The following EPB41L4A variants were observed in gnomAD, a reference collection of about 807,000 sequenced individuals.
EPB41L4A encodes the protein band 4.1-like protein 4A.
In EPB41L4A, 100 loss-of-function variants were observed where a neutral mutation model predicts 108.6. That is an observed-to-expected ratio of 0.92 (90% CI 0.78 to 1.09). The LOEUF is 1.09. Among genes scored for constraint, EPB41L4A ranks in the 50% least tolerant of loss-of-function variants. EPB41L4A has a pLI of 0.00. For synonymous variants in EPB41L4A, 319 were observed against 289.0 expected (o/e 1.10, Z -1.05); for missense variants, 1,030 against 842.7 (o/e 1.22, Z -2.75).
At chr5:112,268,990 C>G (rs1752068894) in intron 4 of EPB41L4A, among the ~76,000 whole-genome samples, 1 of 149,926 alleles carries the variant, frequency 6.7e-6, no homozygotes, top group Non-Finnish European at 1.5e-5. Flanking sequence ...TATTAGAAAA[C>G]AAAGAGCTGA....
downstream of EPB41L4A, chr5:112,161,615 G>A (rs1339580582): frequency 7.7e-6 from 4 of 519,160 alleles, no homozygotes; most frequent in Admixed American, 7.8e-5. Context: ...ATAAGTAACA[G>A]TTGCTGCTTT....
chr5:112,205,240 T>C (rs1376463551), intron 14 of EPB41L4A, among the ~76,000 whole-genome samples, 181 bp downstream of exon 14: 2 of 149,768 alleles, frequency 1.3e-5, no homozygotes, highest in East Asian at 2.0e-4. Context: ...AAACATACTG[T>C]TGATTTCCAC....
intron 1 of EPB41L4A, among the ~76,000 whole-genome samples, chr5:112,395,261 A>G (rs1285754950): frequency 1.3e-5 from 2 of 152,212 alleles, no homozygotes; most frequent in Non-Finnish European, 2.9e-5. Flanking sequence ...TAATGAAACT[A>G]AAGAGCTTCT....
intron 9 of EPB41L4A, among the ~76,000 whole-genome samples, chr5:112,255,471 G>A (rs1296813014): frequency 6.6e-6 from 1 of 152,110 alleles, no homozygotes; most frequent in Non-Finnish European, 1.5e-5. Flanking sequence ...CCAATCTACT[G>A]AAACTCACCT....
Position 112,216,955 on chromosome 5 carries a change from T to A in EPB41L4A, c.1088-6973A>T, listed in dbSNP as rs369742838. 5.3e-5 allele frequency among the ~76,000 whole-genome samples: 8 copies of A among 152,296 alleles called. No individual in the cohort carries two copies. In the East Asian group the frequency reaches 1.2e-3, roughly 22 times the overall value. ...GCTAAATATTCAAGAAAACCTTATATAATTTTCCTATCATCATGGAATTTT... is the reference window on the plus strand; with the variant it reads ...GCTAAATATTCAAGAAAACCTTATAAAATTTTCCTATCATCATGGAATTTT... On this transcript the variant is annotated intron_variant, in intron 12 of 22. Transcript: ENST00000261486.
rs141627745 is a variant in EPB41L4A, at chr5:112,335,181, G to A, written c.100-27691C>T. On this transcript the variant is annotated intron_variant, in intron 1 of 22. Transcript: ENST00000261486. Reference sequence around the variant, plus strand: ...CTTGGCACAGAGTACAGGAGGGCAGGGGAGAGATTTCCATTGCCAAGAGGC... The same window carrying A: ...CTTGGCACAGAGTACAGGAGGGCAGAGGAGAGATTTCCATTGCCAAGAGGC... Among the ~76,000 whole-genome samples, 896 of 152,220 alleles carry A rather than the reference G, an allele frequency of 5.9e-3. 7 individuals carry two copies. The highest frequency in any genetic ancestry group is 0.014 in the Middle Eastern group (4 of 294).
At chr5:112,305,797 T>C in intron 2 of EPB41L4A, among the ~76,000 whole-genome samples, 1 of 152,202 alleles carries the variant, frequency 6.6e-6, no homozygotes, top group Non-Finnish European at 1.5e-5. Context: ...ACACCTGATA[T>C]TCTTATCACA....
chr5:112,144,131 A>G (rs1561424711), intron 13 of EPB41L4A, among the ~76,000 whole-genome samples: 1 of 152,198 alleles, frequency 6.6e-6, no homozygotes, highest in Non-Finnish European at 1.5e-5. Context: ...CCACCCTGAT[A>G]TGGAGCAGCC....
chr5:112,395,729 A>G (rs1048090412), intron 1 of EPB41L4A, among the ~76,000 whole-genome samples: 3 of 152,258 alleles, frequency 2.0e-5, no homozygotes, highest in Non-Finnish European at 4.4e-5. Context: ...CATTTGACCC[A>G]GTGATCCCAT....
intron 9 of EPB41L4A, among the ~76,000 whole-genome samples, chr5:112,245,884 G>A (rs528029148): frequency 4.6e-5 from 7 of 152,298 alleles, no homozygotes; most frequent in South Asian, 2.1e-4. Flanking sequence ...CAGAGAGGCT[G>A]GGAAGAGAGA....
chr5:112,245,223 A>G (rs1341274278), intron 9 of EPB41L4A, among the ~76,000 whole-genome samples: 2 of 152,194 alleles, frequency 1.3e-5, no homozygotes, highest in Middle Eastern at 3.2e-3. Flanking sequence ...ACAATAAACC[A>G]CAAGCTCTGT....
chr5:112,145,815 C>A, intron 13 of EPB41L4A: 2 of 418,850 alleles, frequency 4.8e-6, no homozygotes, highest in South Asian at 1.7e-5. Flanking sequence ...AGACACATTC[C>A]TCCATTTGAT....
chr5:112,312,560 T>C (rs1755118810), intron 1 of EPB41L4A, among the ~76,000 whole-genome samples: 1 of 152,224 alleles, frequency 6.6e-6, no homozygotes, highest in Non-Finnish European at 1.5e-5. Context: ...GCTGTATTTC[T>C]GTCACTACTT....
intron 1 of EPB41L4A, among the ~76,000 whole-genome samples, chr5:112,345,774 TATATATACACACAC>T (rs976732208): frequency 5.5e-5 from 2 of 36,240 alleles, no homozygotes; most frequent in African/African-American, 1.8e-4. Context: ...TATACATATA[TATATATACACACAC>T]ACACACACAC....
intron 1 of EPB41L4A, 140 bp downstream of exon 1, chr5:112,418,801 G>A (rs1762878489): frequency 6.7e-6 from 4 of 594,802 alleles, no homozygotes; most frequent in South Asian, 4.2e-5. Flanking sequence ...CTCCCTGCGC[G>A]CAGGGGACAG....
At chr5:112,230,241 T>C (rs1398611459) in intron 12 of EPB41L4A, among the ~76,000 whole-genome samples, 2 of 152,214 alleles carry the variant, frequency 1.3e-5, no homozygotes, top group Non-Finnish European at 1.5e-5. Flanking sequence ...TCTGGGCAGA[T>C]ACCCAATAAT....
chr5:112,281,997 A>T (rs1314196279), intron 2 of EPB41L4A, among the ~76,000 whole-genome samples: 1 of 152,074 alleles, frequency 6.6e-6, no homozygotes, highest in Admixed American at 6.5e-5. Context: ...GTAGCAACTA[A>T]AAACTAAAAA....
intron 1 of EPB41L4A, among the ~76,000 whole-genome samples, chr5:112,398,555 T>C (rs1192532609): frequency 6.6e-6 from 1 of 152,010 alleles, no homozygotes; most frequent in Non-Finnish European, 1.5e-5. Flanking sequence ...CACCCGCTAA[T>C]TTTTTGTATT....
intron 2 of EPB41L4A, among the ~76,000 whole-genome samples, chr5:112,303,833 G>A (rs964319130): frequency 4.6e-5 from 7 of 152,140 alleles, no homozygotes; most frequent in Non-Finnish European, 7.4e-5. Context: ...AAGTTTACGC[G>A]TGATGCAGAA....
Sources: allele counts gnomAD v4.1 joint callset (sites outside exome capture counted in the v4.1 genomes callset), GRCh38; gene constraint gnomAD v4.1.1; transcripts MANE v1.5; gene names NCBI Gene and HGNC (gene_info 2026-07-23, HGNC 2026-07-21).